The following ABCG2 variants were observed in gnomAD, a reference collection of about 807,000 sequenced individuals.
ABCG2 encodes ATP binding cassette subfamily G member 2 (JR blood group), also known as broad substrate specificity ATP-binding cassette transporter ABCG2.
ABCG2 carries 80 observed loss-of-function variants against 73.5 expected under a neutral mutation model. The observed-to-expected ratio is 1.09, with a 90% CI of 0.91 to 1.31. The LOEUF is 1.31. Among genes scored for constraint, ABCG2 ranks in the 50% most tolerant of loss-of-function variants. The pLI is 0.00. For missense variants in ABCG2, 796 were observed against 786.2 expected, an observed-to-expected ratio of 1.01 and a Z score of -0.15; for synonymous variants, 269 against 282.4, an observed-to-expected ratio of 0.95 and a Z score of 0.48.
rs1240795047 is a variant in ABCG2 at position 88,202,374 on chromosome 4, A to ATATATATATG, written c.-20+28619_-20+28620insCATATATATA. On this transcript the variant is annotated intron_variant, in intron 1 of 15. Coordinates refer to the ABCG2 transcript ENST00000515655. ...ATTATTTATATATATATATATATAT[A>ATATATATATG]TATGTATATTTTAATTAGCTGGGCA... 8.1e-4 allele frequency among the ~76,000 whole-genome samples: 94 copies of ATATATATATG among 115,796 alleles called. 1 individual carries two copies. Among genetic ancestry groups the ATATATATATG allele is most frequent in the African/African-American group, 2.7e-3 (87 of 31,792 alleles). 76.0% of individuals were successfully genotyped at this position (115,796 alleles called of 152,430 possible). A position where few individuals can be genotyped will look rare whatever the true frequency, so the allele number is the denominator to read the frequency against.
At chr4:88,213,541 C>T (rs1729683335) in intron 1 of ABCG2, among the ~76,000 whole-genome samples, 1 of 152,196 alleles carries the variant, frequency 6.6e-6, no homozygotes, top group South Asian at 2.1e-4. Context: ...CATGAAGTCT[C>T]ATCCCCTTTT....
intron 8 of ABCG2, 31 bp from the exon 9 acceptor site, chr4:88,113,584 A>G (rs753817569): frequency 2.5e-6 from 4 of 1,600,822 alleles, no homozygotes; most frequent in Non-Finnish European, 3.4e-6. Context: ...AAGGAAACAC[A>G]AACAAGATAA....
chr4:88,147,854 A>C (rs1726159544), intron 1 of ABCG2, among the ~76,000 whole-genome samples: 1 of 152,228 alleles, frequency 6.6e-6, no homozygotes, highest in Admixed American at 6.5e-5. Context: ...GGTAAGCACA[A>C]ATCCGAAGCA....
chr4:88,140,159 A>G (rs149903026), intron 1 of ABCG2, 145 bp from the exon 2 acceptor site: 602 of 705,012 alleles, frequency 8.5e-4, no homozygotes, highest in Non-Finnish European at 1.1e-3. Flanking sequence ...TACCATTGTG[A>G]TAAGAACATC....
chr4:88,125,525 G>A (rs1331914078), intron 5 of ABCG2, among the ~76,000 whole-genome samples: 19 of 145,772 alleles, frequency 1.3e-4, no homozygotes, highest in South Asian at 1.1e-3. Flanking sequence ...GAAGAATGGC[G>A]TGAACCCAGG....
At chr4:88,099,503 G>A (rs574808669) in intron 11 of ABCG2, 55 bp from the exon 12 acceptor site, 62 of 1,526,712 alleles carry the variant, frequency 4.1e-5, no homozygotes, top group Non-Finnish European at 5.4e-5. Context: ...AAGCCACAGG[G>A]CAGGCTAGAC....
intron 2 of ABCG2, among the ~76,000 whole-genome samples, chr4:88,136,515 G>A (rs542463742): frequency 1.1e-4 from 17 of 152,248 alleles, no homozygotes; most frequent in African/African-American, 3.9e-4. Flanking sequence ...AGATGTGCCT[G>A]GGAAACATAG....
At chr4:88,136,485 C>T (rs1725251670) in intron 2 of ABCG2, among the ~76,000 whole-genome samples, 2 of 152,110 alleles carry the variant, frequency 1.3e-5, no homozygotes, top group African/African-American at 2.4e-5. Flanking sequence ...GTGGGAGAAA[C>T]ACTTGAGCCC....
chr4:88,226,473 T>A (rs1206525074), intron 1 of ABCG2, among the ~76,000 whole-genome samples: 2 of 152,204 alleles, frequency 1.3e-5, no homozygotes, highest in Admixed American at 1.3e-4. Context: ...TATTGTAAAG[T>A]ATAATTATTG....
chr4:88,179,633 T>A (rs777190697), intron 1 of ABCG2, among the ~76,000 whole-genome samples: 3 of 152,114 alleles, frequency 2.0e-5, no homozygotes, highest in African/African-American at 7.2e-5. Flanking sequence ...TCAAAATAGC[T>A]GTTTTCAGGA....
chr4:88,109,739 G>A (rs1723003953), intron 9 of ABCG2, among the ~76,000 whole-genome samples: 1 of 152,194 alleles, frequency 6.6e-6, no homozygotes, highest in Non-Finnish European at 1.5e-5. Context: ...ACTAGTTCAA[G>A]CCAAAGTGCA....
rs1327133995 is a variant in ABCG2 at position 88,092,163 on chromosome 4, CTT to C, written c.*69_*70del. 7.1e-7 allele frequency: 1 copy of C among 1,402,004 alleles called. No individual in the cohort carries two copies. Among genetic ancestry groups the C allele is most frequent in the East Asian group, 2.4e-5 (1 of 41,176 alleles). The allele number at this position is 1,402,004 out of a possible 1,614,324, so 86.8% of individuals were successfully genotyped here. ...AAGGGAACAGAAAACAACAAAAAAA[CTT>C]GATTGAATACTTCAATCAAAGTGCT... On this transcript the variant is annotated 3_prime_UTR_variant, in exon 16 of 16. Transcript: ENST00000237612.
chr4:88,207,537 G>C (rs751107370), intron 1 of ABCG2, among the ~76,000 whole-genome samples: 2 of 152,056 alleles, frequency 1.3e-5, no homozygotes, highest in Non-Finnish European at 2.9e-5. Flanking sequence ...ATCTCCTCGA[G>C]GGATATTTTT....
intron 1 of ABCG2, among the ~76,000 whole-genome samples, chr4:88,142,504 G>C (rs189222185): frequency 1.8e-3 from 268 of 152,252 alleles, no homozygotes; most frequent in Admixed American, 5.4e-3. Context: ...CAAGGTACAT[G>C]GCTGGGTTTT....
At chr4:88,109,838 C>T (rs1347840503) in intron 9 of ABCG2, among the ~76,000 whole-genome samples, 1 of 152,224 alleles carries the variant, frequency 6.6e-6, no homozygotes, top group Admixed American at 6.5e-5. Flanking sequence ...ATTAAAACAA[C>T]ATACAAAATC....
At chr4:88,144,718 A>G (rs1189615678) in intron 1 of ABCG2, among the ~76,000 whole-genome samples, 1 of 152,060 alleles carries the variant, frequency 6.6e-6, no homozygotes, top group Non-Finnish European at 1.5e-5. Flanking sequence ...CGGCCTCCAA[A>G]AGTGCTGGGA....
At chr4:88,119,290 A>T (rs985155115) in intron 6 of ABCG2, among the ~76,000 whole-genome samples, 1 of 152,178 alleles carries the variant, frequency 6.6e-6, no homozygotes, top group Non-Finnish European at 1.5e-5. Context: ...TTCCCTTATA[A>T]ATTACCCAGC....
In ABCG2 at chr4:88,179,347, G is replaced by A. The variant is rs758994772; in HGVS notation, c.-19-39333C>T. Among the ~76,000 whole-genome samples, 74 of 152,176 alleles carry A rather than the reference G, an allele frequency of 4.9e-4. 1 individual carries two copies. Among genetic ancestry groups the A allele is most frequent in the Non-Finnish European group, 2.5e-4 (17 of 68,046 alleles). ...CAAGAGCCACAGCGCGACAGGGCTTGGGGTGCCTCCTAATGAAGATGTGAC... is the reference window on the plus strand; with the variant it reads ...CAAGAGCCACAGCGCGACAGGGCTTAGGGTGCCTCCTAATGAAGATGTGAC... On this transcript the variant is annotated intron_variant, in intron 1 of 15. Coordinates refer to the ABCG2 transcript ENST00000515655.
At chr4:88,193,935 G>C (rs1007314388) in intron 1 of ABCG2, among the ~76,000 whole-genome samples, 6 of 151,992 alleles carry the variant, frequency 3.9e-5, no homozygotes, top group South Asian at 2.1e-4. Context: ...AATAGAGATG[G>C]GGTTTCACCA....
Sources: gnomAD v4.1 joint callset for allele counts (sites outside exome capture counted in the v4.1 genomes callset) on GRCh38, gnomAD v4.1.1 for gene constraint, MANE v1.5 for transcripts, NCBI Gene and HGNC (gene_info 2026-07-23, HGNC 2026-07-21) for gene names.